The following VWF variants were observed in gnomAD, a reference collection of about 807,000 sequenced individuals.
VWF encodes the protein von Willebrand factor.
A neutral mutation model predicts 308.6 loss-of-function variants in VWF; 176 were observed. The observed-to-expected ratio is 0.57, with a 90% CI of 0.50 to 0.65. The LOEUF (loss-of-function observed/expected upper bound fraction) is 0.65. Among genes scored for constraint, VWF ranks in the 30% least tolerant of loss-of-function variants. VWF has a pLI of 0.00. For missense variants in VWF, 3,146 were observed against 3,648.2 expected, an observed-to-expected ratio of 0.86 and a Z score of 3.55; for synonymous variants, 1,385 against 1,443.4, an observed-to-expected ratio of 0.96 and a Z score of 0.92.
intron 38 of VWF, among the ~76,000 whole-genome samples, chr12:5,991,165 TCTCACACACA>T (rs946335336): frequency 6.8e-5 from 6 of 88,312 alleles, no homozygotes; most frequent in African/African-American, 2.4e-4. Context: ...CCCAAGGGAT[TCTCACACACA>T]CACACACACA....
chr12:6,110,621 T>G (rs1313889527), intron 4 of VWF, 39 bp from the exon 5 acceptor site: 1 of 1,602,378 alleles, frequency 6.2e-7, no homozygotes, highest in Non-Finnish European at 8.5e-7. Context: ...GGGCTTCTTG[T>G]GCATTTTCTG....
chr12:6,077,870 G>A (rs1445691964), intron 6 of VWF, among the ~76,000 whole-genome samples: 1 of 152,176 alleles, frequency 6.6e-6, no homozygotes, highest in Non-Finnish European at 1.5e-5. Context: ...GACTTCCACA[G>A]CCCCAGATTC....
rs1435486655 is a variant in VWF at position 6,046,519 on chromosome 12, C to A, written c.2281+204G>T. 6.6e-6 allele frequency among the ~76,000 whole-genome samples: 1 copy of A among 152,262 alleles called. No individual in the cohort carries two copies. Among genetic ancestry groups the A allele is most frequent in the Non-Finnish European group, 1.5e-5 (1 of 68,042 alleles). The stretch of plus-strand genomic sequence containing the variant: ...ATCAAATACTCCTTGCCTCAATGGT[C>A]GGGATTGACACATGCAAAGACATGC... On this transcript the variant is annotated intron_variant, in intron 17 of 51. Coordinates refer to ENST00000261405, the MANE Select transcript of VWF (RefSeq NM_000552.5). The surrounding 1 kb of genome is among the most constrained non-coding windows in gnomAD (Gnocchi z 5.0).
At chr12:5,960,922 C>T (rs1047099930) in intron 47 of VWF, among the ~76,000 whole-genome samples, 5 of 152,190 alleles carry the variant, frequency 3.3e-5, no homozygotes, top group African/African-American at 1.2e-4. Context: ...AGCAGTGGGC[C>T]AATGAGTGAA....
intron 17 of VWF, among the ~76,000 whole-genome samples, chr12:6,044,776 AG>A (rs1393370897): frequency 8.5e-5 from 13 of 152,196 alleles, no homozygotes; most frequent in African/African-American, 3.1e-4. Flanking sequence ...TTCCAGACCC[AG>A]GCTTGAAAAG....
intron 16 of VWF, among the ~76,000 whole-genome samples, chr12:6,050,585 G>A (rs1944497434): frequency 6.6e-6 from 1 of 152,146 alleles, no homozygotes; most frequent in Non-Finnish European, 1.5e-5. Context: ...CATATAGCAT[G>A]CGTTCATGCC....
chr12:5,961,361 G>A (rs79676206), intron 47 of VWF, among the ~76,000 whole-genome samples: 3,128 of 152,208 alleles, frequency 0.021, 99 homozygotes, highest in African/African-American at 0.071. Context: ...GGGCACTGCT[G>A]CTGTTGAACA....
chr12:5,959,795 G>A (rs975016894), intron 47 of VWF, among the ~76,000 whole-genome samples: 1 of 151,558 alleles, frequency 6.6e-6, no homozygotes. Context: ...TTAACTAGCG[G>A]TAATAAAAAA....
chr12:6,021,876 A>T, intron 27 of VWF, 24 bp downstream of exon 27: 2 of 1,614,170 alleles, frequency 1.2e-6, no homozygotes, highest in Non-Finnish European at 1.7e-6. Flanking sequence ...TCATCACTTC[A>T]AACAACCCAG....
intron 8 of VWF, among the ~76,000 whole-genome samples, chr12:6,072,665 C>T: frequency 6.6e-6 from 1 of 152,142 alleles, no homozygotes; most frequent in African/African-American, 2.4e-5. Context: ...TCCAGGTCAT[C>T]CAGTAGGGGA....
chr12:5,969,183 C>A lies in VWF; in HGVS notation c.7729+28G>T. On this transcript the variant is annotated intron_variant, in intron 45 of 51. Coordinates refer to ENST00000261405, the MANE Select transcript of VWF (RefSeq NM_000552.5). ...AGAGGCTTAAAGGTGGTGCCCGGTC[C>A]AGCCCAGCCCCAGCCTGCATGCCTT... The A allele has an allele frequency of 4.4e-6, 7 of 1,598,672 alleles. No homozygotes were observed. The South Asian group carries it at 7.9e-5, about 18-fold the overall frequency.
Position 5,968,171 on chromosome 12 carries a change from G to A in VWF, c.7730-4C>T. 6.2e-7 allele frequency: 1 copy of A among 1,614,000 alleles called. No homozygotes were observed. The highest frequency in any genetic ancestry group is 2.2e-5 in the East Asian group (1 of 44,868). ...AGCATGCAGGCCTCCATGCGCTCTGGGGGAGAGAAAAGTGCAGAGTGAGAG... is the reference window on the plus strand; with the variant it reads ...AGCATGCAGGCCTCCATGCGCTCTGAGGGAGAGAAAAGTGCAGAGTGAGAG... On this transcript the variant is annotated splice_polypyrimidine_tract_variant and splice_region_variant and intron_variant, in intron 45 of 51. Transcript: ENST00000261405.
At chr12:6,062,890 G>C in intron 13 of VWF, 64 bp downstream of exon 13, 3 of 1,370,832 alleles carry the variant, frequency 2.2e-6, no homozygotes, top group Non-Finnish European at 2.0e-6. Context: ...ATTCTACCCA[G>C]AGCACAAGGG....
intron 47 of VWF, among the ~76,000 whole-genome samples, chr12:5,960,928 G>C (rs1370046014): frequency 6.6e-6 from 1 of 152,212 alleles, no homozygotes; most frequent in Non-Finnish European, 1.5e-5. Context: ...GGGCCAATGA[G>C]TGAAGCTTCA....
At chr12:6,091,498 C>T (rs1945034493) in intron 6 of VWF, among the ~76,000 whole-genome samples, 1 of 152,176 alleles carries the variant, frequency 6.6e-6, no homozygotes, top group African/African-American at 2.4e-5. Context: ...CTATTATATA[C>T]TGTCTCTATA....
intron 39 of VWF, among the ~76,000 whole-genome samples, 186 bp downstream of exon 39, chr12:5,985,377 A>G (rs1375482923): frequency 6.6e-6 from 1 of 152,192 alleles, no homozygotes. Context: ...TGTCGACCCC[A>G]GGTGCAGAAT....
At chr12:5,987,068 T>C (rs1353458784) in intron 38 of VWF, among the ~76,000 whole-genome samples, 2 of 152,072 alleles carry the variant, frequency 1.3e-5, no homozygotes, top group African/African-American at 2.4e-5. Context: ...GTTGGGACTA[T>C]AGGCATGTGC....
At chr12:6,052,407 G>T in intron 16 of VWF, 136 bp downstream of exon 16, 2 of 1,344,672 alleles carry the variant, frequency 1.5e-6, no homozygotes, top group Non-Finnish European at 2.1e-6. Context: ...CTTCTGACTT[G>T]CTGTACAGTT....
At chr12:5,986,495 G>C (rs1943681963) in intron 38 of VWF, among the ~76,000 whole-genome samples, 1 of 152,180 alleles carries the variant, frequency 6.6e-6, no homozygotes, top group African/African-American at 2.4e-5. Flanking sequence ...TTATCCAGTA[G>C]CTCAAAGGCC....
Sources: gnomAD v4.1 joint callset for allele counts (sites outside exome capture counted in the v4.1 genomes callset) on GRCh38, gnomAD v4.1.1 for gene constraint, Gnocchi (gnomAD v3.1) non-coding constraint, MANE v1.5 for transcripts, NCBI Gene and HGNC (gene_info 2026-07-23, HGNC 2026-07-21) for gene names.